Variants in HMCN1 observed in about 807,000 individuals in gnomAD.
HMCN1 encodes hemicentin-1.
A neutral mutation model predicts 625.9 loss-of-function variants in HMCN1; 321 were observed. The observed-to-expected ratio is 0.51, with a 90% CI of 0.47 to 0.56. The LOEUF (loss-of-function observed/expected upper bound fraction) is 0.56. Among genes scored for constraint, HMCN1 ranks in the 20% least tolerant of loss-of-function variants. HMCN1 has a pLI of 0.00. For missense variants in HMCN1, 6,588 were observed against 6,887.3 expected (o/e 0.96, Z 1.54); for synonymous variants, 2,425 against 2,417.6 (o/e 1.00, Z -0.09).
rs1425496568 is a variant in HMCN1 at position 186,115,286 on chromosome 1, C to A, written c.11433C>A (p.Thr3811=). 2.5e-6 allele frequency: 4 copies of A among 1,613,826 alleles called. No homozygotes were observed. Among genetic ancestry groups the A allele is most frequent in the South Asian group, 1.1e-5 (1 of 91,080 alleles). ...HVPPSIAPGP[T]NMTVIVNVQT... Reference sequence around the variant, plus strand: ...CTCCATCTATTGCTCCGGGTCCTACCAACATGACTGTAATAGTAAATGTTC... The same window carrying A: ...CTCCATCTATTGCTCCGGGTCCTACAAACATGACTGTAATAGTAAATGTTC... Residue 3811 remains threonine, a synonymous_variant, in exon 75 of 107, where the codon ACC becomes ACA. Transcript: ENST00000271588.
At chr1:185,945,000 A>G (rs1408795166) in intron 11 of HMCN1, among the ~76,000 whole-genome samples, 1 of 152,238 alleles carries the variant, frequency 6.6e-6, no homozygotes, top group African/African-American at 2.4e-5. Flanking sequence ...TGTCCAACTA[A>G]GAAATAAATT....
intron 18 of HMCN1, 51 bp from the exon 19 acceptor site, chr1:185,984,118 C>T (rs1324462645): frequency 1.3e-6 from 2 of 1,508,258 alleles, no homozygotes; most frequent in Non-Finnish European, 1.8e-6. Context: ...ATTTTTGACT[C>T]TCACAAATCC....
intron 2 of HMCN1, among the ~76,000 whole-genome samples, chr1:185,862,134 G>T (rs1662910921): frequency 6.6e-6 from 1 of 152,028 alleles, no homozygotes; most frequent in South Asian, 2.1e-4. Context: ...TATAAAAAAA[G>T]AATCTCAGCT....
chr1:185,967,204 T>C (rs2102568713), intron 14 of HMCN1, among the ~76,000 whole-genome samples: 1 of 152,264 alleles, frequency 6.6e-6, no homozygotes, highest in South Asian at 2.1e-4. Flanking sequence ...GTAATGGAAA[T>C]GCCAACTTCT....
chr1:186,033,589 T>A (rs907377143), intron 36 of HMCN1, among the ~76,000 whole-genome samples: 4 of 137,198 alleles, frequency 2.9e-5, no homozygotes, highest in Non-Finnish European at 6.1e-5. Flanking sequence ...TTTTTATTGT[T>A]GTATTGTTAT....
intron 67 of HMCN1, 55 bp downstream of exon 67, chr1:186,094,428 G>C: frequency 7.5e-7 from 1 of 1,326,822 alleles, no homozygotes; most frequent in South Asian, 1.2e-5. Context: ...TTAAGCAACA[G>C]ACTTATCTTT....
chr1:186,021,216 G>A (rs182257298), intron 35 of HMCN1, among the ~76,000 whole-genome samples: 55 of 152,102 alleles, frequency 3.6e-4, no homozygotes, highest in Admixed American at 3.5e-3. Context: ...TGAAGGAGAG[G>A]GATGTGGCAA....
Position 185,962,607 on chromosome 1 carries a change from A to G in HMCN1, c.1918A>G (p.Lys640Glu). The stretch of plus-strand genomic sequence containing the variant: ...CATGTGTTCTGCAACAGGTTATCCC[A>G]AACCAAAGATTGCCTGGACCGTTAA... ...SIMCSATGYP[K>E]PKIAWTVNDM... The change falls in exon 12 of 107, where the codon AAA (lysine) becomes GAA (glutamate). Residue 640 changes from lysine to glutamate, a missense_variant. Physicochemically the swap from Lys to Glu is moderately conservative, Grantham distance 56. Around this residue, in one of 3 missense-constraint regions of HMCN1, gnomAD observed 4,628 missense variants for 4,853.1 expected, o/e 0.95. Transcript: ENST00000271588. The G allele has an allele frequency of 6.3e-7, 1 of 1,593,904 alleles. No homozygotes were observed. The highest frequency in any genetic ancestry group is 1.7e-5 in the Admixed American group (1 of 59,982).
chr1:186,188,114 C>T (rs1653469185), intron 106 of HMCN1, 105 bp downstream of exon 106: 6 of 1,318,740 alleles, frequency 4.5e-6, no homozygotes, highest in Non-Finnish European at 6.6e-6. Context: ...CACAGGAAGT[C>T]ACTAACTCCA....
rs901639927 is a variant in HMCN1, at chr1:185,938,014, G to A, written c.1828+4190G>A. Among the ~76,000 whole-genome samples the A allele has an allele frequency of 3.3e-5, 5 of 151,536 alleles. No individual in the cohort carries two copies. In the East Asian group the frequency reaches 9.7e-4, roughly 29 times the overall value. On this transcript the variant is annotated intron_variant, in intron 11 of 106. Coordinates refer to ENST00000271588, the MANE Select transcript of HMCN1 (RefSeq NM_031935.3). Reference sequence around the variant, plus strand: ...GCAAATATGTAATAGAGGCACTAAAGAGGAGAATTTATACTATATAAAAAA... The same window carrying A: ...GCAAATATGTAATAGAGGCACTAAAAAGGAGAATTTATACTATATAAAAAA...
In HMCN1 at chr1:186,153,891, T is replaced by C; in HGVS notation, c.15160T>C (p.Phe5054Leu). 1 of 1,614,176 alleles carries C rather than the reference T, an allele frequency of 6.2e-7. No homozygotes were observed. The highest frequency in any genetic ancestry group is 8.5e-7 in the Non-Finnish European group (1 of 1,180,012). Reference protein sequence around the residue: ...FYDQAQGRMPFLVETLHASSV... With the variant: ...FYDQAQGRMPLLVETLHASSV... ...TGATCAGGCACAGGGAAGAATGCCT[T>C]TCTTGGTTGAAACACTTCATGCATC... The change falls in exon 97 of 107, where the codon TTC (phenylalanine) becomes CTC (leucine). Residue 5054 changes from phenylalanine (F) to leucine (L), a missense_variant. Transcript: ENST00000271588.
At chr1:186,089,271 C>A (rs181784973) in intron 63 of HMCN1, among the ~76,000 whole-genome samples, 2 of 151,940 alleles carry the variant, frequency 1.3e-5, no homozygotes. Flanking sequence ...GCAGGGACAA[C>A]TTGTTTTCTT....
At chr1:185,924,213 A>ATTTTTT in intron 8 of HMCN1, among the ~76,000 whole-genome samples, 1 of 77,618 alleles carries the variant, frequency 1.3e-5, no homozygotes, top group Middle Eastern at 0.011. Flanking sequence ...CTCTGACCCA[A>ATTTTTT]TCTTTTTTTT....
At chr1:185,984,124 A>T in intron 18 of HMCN1, 45 bp from the exon 19 acceptor site, 11 of 1,553,408 alleles carry the variant, frequency 7.1e-6, no homozygotes, top group Non-Finnish European at 8.8e-6. Flanking sequence ...GACTCTCACA[A>T]ATCCTTTCTT....
intron 24 of HMCN1, among the ~76,000 whole-genome samples, chr1:185,996,659 A>G (rs1652807602): frequency 6.6e-6 from 1 of 152,132 alleles, no homozygotes; most frequent in Non-Finnish European, 1.5e-5. Flanking sequence ...GATGGTAGTT[A>G]GAATGGGGAA....
At chr1:185,788,856 G>A (rs1657800570) in intron 1 of HMCN1, among the ~76,000 whole-genome samples, 2 of 151,982 alleles carry the variant, frequency 1.3e-5, no homozygotes, top group African/African-American at 2.4e-5. Flanking sequence ...TCCATACTTA[G>A]TTTGAAGGAA....
chr1:186,027,840 T>A (rs1448619461), intron 36 of HMCN1, among the ~76,000 whole-genome samples: 1 of 152,186 alleles, frequency 6.6e-6, no homozygotes, highest in East Asian at 1.9e-4. Flanking sequence ...CTTATTTTTT[T>A]ATTTTTTGAA....
At chr1:185,760,093 T>G (rs1439764157) in intron 1 of HMCN1, among the ~76,000 whole-genome samples, 1 of 152,212 alleles carries the variant, frequency 6.6e-6, no homozygotes, top group Non-Finnish European at 1.5e-5. Context: ...CTTCACTTAC[T>G]AGTGGGGATA....
chr1:186,072,249 C>T (rs1658521057), intron 52 of HMCN1, among the ~76,000 whole-genome samples: 1 of 152,108 alleles, frequency 6.6e-6, no homozygotes, highest in Non-Finnish European at 1.5e-5. Context: ...AACATATTGA[C>T]AGACATTAAA....
Sources: allele counts gnomAD v4.1 joint callset (sites outside exome capture counted in the v4.1 genomes callset), GRCh38; gene constraint gnomAD v4.1.1; regional missense constraint gnomAD v4.1.1; transcripts MANE v1.5; gene names NCBI Gene and HGNC (gene_info 2026-07-23, HGNC 2026-07-21).